Variants in GABRG3 observed in about 807,000 individuals in gnomAD.
GABRG3 encodes gamma-aminobutyric acid receptor subunit gamma-3.
Under a neutral mutation model 48.8 loss-of-function variants are expected in GABRG3, and 25 were observed. That is an observed-to-expected ratio of 0.51 (90% CI 0.37 to 0.72). The LOEUF is 0.72. Ranked by LOEUF, GABRG3 falls within the 30% of genes least tolerant of loss-of-function variation. The pLI is 0.00. For synonymous variants in GABRG3, 227 were observed against 217.6 expected, an observed-to-expected ratio of 1.04 and a Z score of -0.38; for missense variants, 394 against 577.9, an observed-to-expected ratio of 0.68 and a Z score of 3.26.
intron 3 of GABRG3, among the ~76,000 whole-genome samples, chr15:27,262,995 G>A (rs943954081): frequency 7.2e-5 from 11 of 152,176 alleles, no homozygotes; most frequent in African/African-American, 2.4e-4. Context: ...TGAATCAACC[G>A]GACTCTCATT....
chr15:27,416,093 C>G (rs1323331251), intron 5 of GABRG3, among the ~76,000 whole-genome samples: 2 of 152,174 alleles, frequency 1.3e-5, no homozygotes, highest in Admixed American at 1.3e-4. Flanking sequence ...AAAGTAAACT[C>G]CTACATTGGT....
At chr15:27,466,574 T>A (rs975254370) in intron 5 of GABRG3, among the ~76,000 whole-genome samples, 3 of 152,206 alleles carry the variant, frequency 2.0e-5, no homozygotes, top group Non-Finnish European at 4.4e-5. Context: ...TCAAAGTAGG[T>A]CAAATGCAAC....
chr15:27,135,239 TC>T (rs1897988005), intron 3 of GABRG3, among the ~76,000 whole-genome samples: 1 of 152,218 alleles, frequency 6.6e-6, no homozygotes, highest in Non-Finnish European at 1.5e-5. Flanking sequence ...GTGTGTGTGT[TC>T]CTGCTTAATT....
Position 27,028,134 on chromosome 15 carries a change from G to A in GABRG3, c.270+1313G>A, listed in dbSNP as rs73367737. Among the ~76,000 whole-genome samples, 1,285 of 152,246 alleles carry A rather than the reference G, an allele frequency of 8.4e-3. 19 individuals are homozygous for A. The highest frequency in any genetic ancestry group is 0.029 in the African/African-American group (1,217 of 41,530). On this transcript the variant is annotated intron_variant, in intron 3 of 9. Coordinates refer to ENST00000615808, the MANE Select transcript of GABRG3 (RefSeq NM_033223.5). ...ACGGGAATTTTCATGTGGAAATCACGGGCTGCAGAGAAGGAGGCCGAGTGA... is the reference window on the plus strand; with the variant it reads ...ACGGGAATTTTCATGTGGAAATCACAGGCTGCAGAGAAGGAGGCCGAGTGA...
intron 3 of GABRG3, among the ~76,000 whole-genome samples, chr15:27,166,769 C>G (rs1375039664): frequency 6.6e-6 from 1 of 152,068 alleles, no homozygotes; most frequent in Non-Finnish European, 1.5e-5. Flanking sequence ...ACAATTTTAC[C>G]CAGTGCAGCA....
chr15:27,461,539 A>G (rs1005005375), intron 5 of GABRG3, among the ~76,000 whole-genome samples: 107 of 152,320 alleles, frequency 7.0e-4, no homozygotes, highest in African/African-American at 2.4e-3. Flanking sequence ...AAGCTTACAC[A>G]GCATGGAAGA....
At chr15:27,123,315 C>A (rs1462978028) in intron 3 of GABRG3, among the ~76,000 whole-genome samples, 1 of 152,034 alleles carries the variant, frequency 6.6e-6, no homozygotes, top group South Asian at 2.1e-4. Flanking sequence ...GAAACGTAAC[C>A]CCCAAGATGA....
chr15:27,245,676 A>C (rs11857566), intron 3 of GABRG3, among the ~76,000 whole-genome samples: 1 of 150,784 alleles, frequency 6.6e-6, no homozygotes, highest in Non-Finnish European at 1.5e-5. Flanking sequence ...GTTCGAAACC[A>C]GCCTGGCCAA....
chr15:27,379,316 G>A (rs1016673914), intron 5 of GABRG3, among the ~76,000 whole-genome samples: 1 of 152,166 alleles, frequency 6.6e-6, no homozygotes, highest in Admixed American at 6.5e-5. Flanking sequence ...CCACTTCACA[G>A]GTAGTGTGAG....
intron 3 of GABRG3, among the ~76,000 whole-genome samples, chr15:27,074,155 A>G (rs1440693166): frequency 6.6e-6 from 1 of 152,028 alleles, no homozygotes; most frequent in Non-Finnish European, 1.5e-5. Flanking sequence ...GTATTGAGGA[A>G]ACCGCCCCCA....
At chr15:27,314,354 G>T (rs560208266) in intron 3 of GABRG3, among the ~76,000 whole-genome samples, 23 of 152,100 alleles carry the variant, frequency 1.5e-4, no homozygotes, top group Admixed American at 5.9e-4. Context: ...AATCAAGACC[G>T]CAAGGAGTTA....
intron 3 of GABRG3, among the ~76,000 whole-genome samples, chr15:27,131,885 A>G (rs35085695): frequency 0.24 from 37,050 of 151,854 alleles, 5,857 homozygotes; most frequent in Non-Finnish European, 0.35. Flanking sequence ...ATGATTAGAG[A>G]TGTTGAGCAT....
At chr15:27,171,749 C>T (rs1370452549) in intron 3 of GABRG3, among the ~76,000 whole-genome samples, 1 of 152,070 alleles carries the variant, frequency 6.6e-6, no homozygotes, top group Non-Finnish European at 1.5e-5. Flanking sequence ...GTGGTGCCTG[C>T]TTGAGCCAGG....
intron 3 of GABRG3, among the ~76,000 whole-genome samples, chr15:27,056,820 G>A (rs1896557041): frequency 6.6e-6 from 1 of 152,152 alleles, no homozygotes; most frequent in Non-Finnish European, 1.5e-5. Flanking sequence ...TTTAAGAATG[G>A]CTCCAGCACA....
At position 27,431,852 on chromosome 15, in the gene GABRG3, C is replaced by G. The variant is rs141713842; in HGVS notation, c.575-48798C>G. On this transcript the variant is annotated intron_variant, in intron 5 of 9. Coordinates refer to ENST00000615808, the MANE Select transcript of GABRG3 (RefSeq NM_033223.5). ...ATTAAACCAACCTTGCATTCACGCT[C>G]TTGTTTAAAAGTATTTCCTTTTTCC... Among the ~76,000 whole-genome samples, 284 of 152,280 alleles carry G rather than the reference C, an allele frequency of 1.9e-3. 3 individuals carry two copies. Among genetic ancestry groups the G allele is most frequent in the Non-Finnish European group, 3.4e-3 (228 of 68,014 alleles).
intron 3 of GABRG3, among the ~76,000 whole-genome samples, chr15:27,144,559 A>C (rs1430336462): frequency 6.6e-6 from 1 of 152,166 alleles, no homozygotes; most frequent in Non-Finnish European, 1.5e-5. Flanking sequence ...GGGGAGAGAA[A>C]GCTCACCAAA....
chr15:27,304,750 T>G (rs1397971358), intron 3 of GABRG3, among the ~76,000 whole-genome samples: 1 of 152,028 alleles, frequency 6.6e-6, no homozygotes, highest in Non-Finnish European at 1.5e-5. Context: ...GGTCTTCAAC[T>G]TAATGATATC....
At chr15:27,495,469 C>A (rs776892369) in intron 6 of GABRG3, among the ~76,000 whole-genome samples, 2 of 152,096 alleles carry the variant, frequency 1.3e-5, no homozygotes, top group African/African-American at 2.4e-5. Flanking sequence ...GATTTGAGTT[C>A]TCTTGGATAC....
At chr15:27,344,891 C>G (rs1894314243) in intron 5 of GABRG3, among the ~76,000 whole-genome samples, 1 of 152,028 alleles carries the variant, frequency 6.6e-6, no homozygotes, top group South Asian at 2.1e-4. Flanking sequence ...TAGGTACATG[C>G]ACGATGAGGA....
Sources: allele counts gnomAD v4.1 joint callset (sites outside exome capture counted in the v4.1 genomes callset), GRCh38; gene constraint gnomAD v4.1.1; transcripts MANE v1.5; gene names NCBI Gene and HGNC (gene_info 2026-07-23, HGNC 2026-07-21).